FBXL13: variants seen among roughly 807,000 people sequenced by gnomAD.
FBXL13 encodes F-box and leucine-rich repeat protein 13.
Under a neutral mutation model 83.6 loss-of-function variants are expected in FBXL13, and 67 were observed. The observed-to-expected ratio is 0.80, with a 90% confidence interval of 0.66 to 0.98. The LOEUF is 0.98. FBXL13 is among the 50% of genes least tolerant of loss of function. The pLI is 0.00. For missense variants in FBXL13, 822 were observed against 866.5 expected, an observed-to-expected ratio of 0.95 and a Z score of 0.64; for synonymous variants, 272 against 299.5, an observed-to-expected ratio of 0.91 and a Z score of 0.95.
chr7:102,914,675 C>T (rs1052291013), intron 10 of FBXL13, among the ~76,000 whole-genome samples: 1 of 152,148 alleles, frequency 6.6e-6, no homozygotes, highest in Non-Finnish European at 1.5e-5. Context: ...AACACACATC[C>T]CGATCTGGGA....
chr7:102,938,105 A>C (rs536400136), intron 8 of FBXL13, among the ~76,000 whole-genome samples: 12 of 152,354 alleles, frequency 7.9e-5, no homozygotes, highest in Admixed American at 5.9e-4. Flanking sequence ...TTTCAAAGGG[A>C]ATAAATGTGA....
At chr7:102,977,270 C>T (rs1054321099) in intron 6 of FBXL13, among the ~76,000 whole-genome samples, 10 of 152,290 alleles carry the variant, frequency 6.6e-5, no homozygotes, top group Non-Finnish European at 1.0e-4. Flanking sequence ...AAACCGCCTC[C>T]GTCCTGGAAA....
At chr7:102,959,735 T>A (rs915612007) in intron 8 of FBXL13, among the ~76,000 whole-genome samples, 2 of 152,018 alleles carry the variant, frequency 1.3e-5, no homozygotes, top group African/African-American at 2.4e-5. Context: ...AAAGGATATA[T>A]AGGTTAAAGA....
At chr7:102,960,235 A>T (rs1824961972) in intron 8 of FBXL13, among the ~76,000 whole-genome samples, 1 of 152,174 alleles carries the variant, frequency 6.6e-6, no homozygotes, top group South Asian at 2.1e-4. Flanking sequence ...AAAATCTAGA[A>T]GAAATGGATA....
chr7:102,992,130 C>T (rs1829636626), intron 6 of FBXL13, among the ~76,000 whole-genome samples: 1 of 152,270 alleles, frequency 6.6e-6, no homozygotes, highest in East Asian at 1.9e-4. Context: ...CCTTGACCCA[C>T]CCAAGGCAGG....
intron 11 of FBXL13, among the ~76,000 whole-genome samples, chr7:102,904,163 A>G (rs563896588): frequency 6.6e-6 from 1 of 151,632 alleles, no homozygotes; most frequent in East Asian, 1.9e-4. Flanking sequence ...TTACAGCTTC[A>G]ATATCATTAC....
chr7:103,063,223 C>A (rs1412411255), intron 1 of FBXL13, among the ~76,000 whole-genome samples: 2 of 152,174 alleles, frequency 1.3e-5, no homozygotes, highest in African/African-American at 4.8e-5. Context: ...TAGATTCAAT[C>A]AACCACAGAT....
intron 7 of FBXL13, 89 bp from the exon 9 acceptor site, chr7:102,963,754 T>A: frequency 7.7e-7 from 1 of 1,307,002 alleles, no homozygotes; most frequent in Non-Finnish European, 1.0e-6. Context: ...TGTGACCTAA[T>A]TAAACTAAAG....
chr7:102,982,185 C>G (rs1828332406), intron 6 of FBXL13, among the ~76,000 whole-genome samples: 1 of 152,134 alleles, frequency 6.6e-6, no homozygotes, highest in African/African-American at 2.4e-5. Context: ...GGTTGGGTGG[C>G]AGTCTTAACT....
At chr7:102,853,477 A>G (rs1393162918) in intron 17 of FBXL13, among the ~76,000 whole-genome samples, 1 of 152,214 alleles carries the variant, frequency 6.6e-6, no homozygotes, top group African/African-American at 2.4e-5. Context: ...CTTCATGTCT[A>G]AAACACCAAA....
intron 8 of FBXL13, among the ~76,000 whole-genome samples, chr7:102,935,255 T>C (rs1297881451): frequency 2.3e-5 from 3 of 131,788 alleles, no homozygotes; most frequent in South Asian, 2.8e-4. Flanking sequence ...TTTTTTTTTT[T>C]TTTTTTTTTT....
At position 103,032,117 on chromosome 7, in the gene FBXL13, A is replaced by C. The variant is rs569790607; in HGVS notation, c.1-2699T>G. On this transcript the variant is annotated intron_variant, in intron 2 of 19. Transcript: ENST00000313221. Reference sequence around the variant, plus strand: ...AGATTAGGAGAGAAAAAGAAGTGAAATATAAAACTGATTTCTTTTTGAAAA... The same window carrying C: ...AGATTAGGAGAGAAAAAGAAGTGAACTATAAAACTGATTTCTTTTTGAAAA... Among the ~76,000 whole-genome samples the C allele has an allele frequency of 8.5e-5, 13 of 152,364 alleles. No homozygotes were observed. The South Asian group carries it at 2.3e-3, about 27-fold the overall frequency.
intron 2 of FBXL13, among the ~76,000 whole-genome samples, chr7:103,044,515 A>G (rs1237956171): frequency 6.6e-6 from 1 of 151,294 alleles, no homozygotes; most frequent in Non-Finnish European, 1.5e-5. Context: ...AGAGATGCAC[A>G]CTACAGTATA....
intron 2 of FBXL13, among the ~76,000 whole-genome samples, chr7:103,036,737 C>G (rs926318021): frequency 6.6e-6 from 1 of 152,284 alleles, no homozygotes; most frequent in Middle Eastern, 3.4e-3. Flanking sequence ...CTCTTGAACT[C>G]CTGGCCTCAA....
At chr7:102,813,658 G>T in intron 19 of FBXL13, 127 bp from the exon 21 acceptor site, 2 of 922,462 alleles carry the variant, frequency 2.2e-6, no homozygotes, top group Middle Eastern at 3.1e-4. Context: ...GACCTCTCTT[G>T]CCTTGCTGAG....
At chr7:102,943,708 G>A (rs1406933828) in intron 8 of FBXL13, among the ~76,000 whole-genome samples, 1 of 152,084 alleles carries the variant, frequency 6.6e-6, no homozygotes, top group Non-Finnish European at 1.5e-5. Context: ...TTACATATAC[G>A]TTTTCAGGAC....
chr7:102,836,370 A>G (rs1344774947), intron 17 of FBXL13, among the ~76,000 whole-genome samples: 1 of 152,218 alleles, frequency 6.6e-6, no homozygotes, highest in South Asian at 2.1e-4. Context: ...TTAAACACAT[A>G]TAAGTCATAT....
At chr7:102,892,264 T>G (rs1053682997) in intron 11 of FBXL13, among the ~76,000 whole-genome samples, 10 of 152,220 alleles carry the variant, frequency 6.6e-5, no homozygotes, top group African/African-American at 9.6e-5. Flanking sequence ...TTTTACCACT[T>G]AATATAATAA....
chr7:102,928,590 T>C (rs943732521), intron 9 of FBXL13, among the ~76,000 whole-genome samples: 1 of 152,234 alleles, frequency 6.6e-6, no homozygotes, highest in Non-Finnish European at 1.5e-5. Context: ...ATGCATTGTT[T>C]TGACTTCCCT....
Sources: gnomAD v4.1 joint callset for allele counts (sites outside exome capture counted in the v4.1 genomes callset) on GRCh38, gnomAD v4.1.1 for gene constraint, MANE v1.5 for transcripts, NCBI Gene and HGNC (gene_info 2026-07-23, HGNC 2026-07-21) for gene names.